Variants in WDR59 observed in about 807,000 individuals in gnomAD.
WDR59 encodes WD repeat domain 59.
A neutral mutation model predicts 131.2 loss-of-function variants in WDR59; 100 were observed. That is an observed-to-expected ratio of 0.76 (90% CI 0.65 to 0.90). The LOEUF is 0.90. WDR59 is among the 40% of genes least tolerant of loss of function. The pLI, the probability that WDR59 is intolerant of heterozygous loss-of-function variation, is 0.00. For synonymous variants in WDR59, 601 were observed against 466.2 expected (o/e 1.29, Z -3.72); for missense variants, 1,203 against 1,262.2 (o/e 0.95, Z 0.71).
At chr16:74,974,057 C>A (rs2034090997) in intron 1 of WDR59, among the ~76,000 whole-genome samples, 2 of 152,188 alleles carry the variant, frequency 1.3e-5, no homozygotes, top group African/African-American at 4.8e-5. Context: ...GTAATCCCAG[C>A]TACTCAGGAG....
intron 13 of WDR59, among the ~76,000 whole-genome samples, chr16:74,914,005 G>A (rs139150207): frequency 6.0e-4 from 91 of 152,274 alleles, no homozygotes; most frequent in East Asian, 5.0e-3. Flanking sequence ...TCAGGAGTTC[G>A]AGGCCAACCT....
chr16:74,943,137 C>T (rs530102190), intron 6 of WDR59, among the ~76,000 whole-genome samples: 54 of 152,252 alleles, frequency 3.5e-4, no homozygotes, highest in African/African-American at 1.3e-3. Flanking sequence ...CATGGCACTG[C>T]TGGCTAGTAA....
At chr16:74,886,069 T>G (rs1964742198) in intron 24 of WDR59, 1 of 720,212 alleles carries the variant, frequency 1.4e-6, no homozygotes, top group Admixed American at 3.1e-5. Context: ...TCCCAGCTAC[T>G]CAGGAGGCTG....
intron 11 of WDR59, 96 bp downstream of exon 11, chr16:74,917,833 T>G (rs977727937): frequency 2.3e-6 from 2 of 878,414 alleles, no homozygotes; most frequent in Non-Finnish European, 3.4e-6. Context: ...AAAAAAAAAA[T>G]TGTTTATCCT....
chr16:74,894,243 T>C (rs1230617136), intron 18 of WDR59, among the ~76,000 whole-genome samples: 2 of 152,244 alleles, frequency 1.3e-5, no homozygotes, highest in Non-Finnish European at 2.9e-5. Flanking sequence ...TGAAAATTTA[T>C]TGCAGACATA....
intron 6 of WDR59, 99 bp from the exon 7 acceptor site, chr16:74,942,925 T>G (rs921936278): frequency 1.3e-5 from 14 of 1,079,062 alleles, no homozygotes; most frequent in Non-Finnish European, 1.9e-5. Context: ...TCTGGCTGAA[T>G]AAGCCCAGAA....
intron 14 of WDR59, among the ~76,000 whole-genome samples, chr16:74,910,313 C>T (rs534487043): frequency 2.0e-5 from 3 of 152,238 alleles, no homozygotes; most frequent in African/African-American, 7.2e-5. Context: ...AAGGGTGATG[C>T]TGGGAGCCAG....
chr16:74,931,580 G>A (rs2031389009), intron 8 of WDR59, among the ~76,000 whole-genome samples: 1 of 152,044 alleles, frequency 6.6e-6, no homozygotes, highest in Non-Finnish European at 1.5e-5. Context: ...CAAGCAATCT[G>A]CCCGCTTCAG....
At chr16:74,893,895 A>T (rs1351674886) in intron 18 of WDR59, 83 bp from the exon 19 acceptor site, 16 of 1,486,208 alleles carry the variant, frequency 1.1e-5, no homozygotes, top group Non-Finnish European at 1.4e-5. Flanking sequence ...TATTGGGGTC[A>T]TTGGCAATTT....
At chr16:74,911,220 T>C (rs1310516968) in intron 14 of WDR59, among the ~76,000 whole-genome samples, 1 of 152,212 alleles carries the variant, frequency 6.6e-6, no homozygotes, top group Non-Finnish European at 1.5e-5. Flanking sequence ...CATTTTATAC[T>C]AACAGAAAAA....
intron 18 of WDR59, among the ~76,000 whole-genome samples, chr16:74,901,003 G>A (rs1965522080): frequency 6.6e-6 from 1 of 152,206 alleles, no homozygotes; most frequent in Non-Finnish European, 1.5e-5. Flanking sequence ...GGAGGCTAAG[G>A]CAGGAGAATC....
intron 1 of WDR59, among the ~76,000 whole-genome samples, chr16:74,971,302 T>C (rs947503361): frequency 7.9e-5 from 12 of 151,880 alleles, no homozygotes; most frequent in Non-Finnish European, 1.2e-4. Flanking sequence ...ATTAGAATAA[T>C]GTGATGAACA....
At chr16:74,953,803 C>G (rs1460117306) in intron 3 of WDR59, among the ~76,000 whole-genome samples, 1 of 150,894 alleles carries the variant, frequency 6.6e-6, no homozygotes, top group Non-Finnish European at 1.5e-5. Context: ...AGATCGAGAC[C>G]ATCCTGGCTA....
intron 25 of WDR59, among the ~76,000 whole-genome samples, chr16:74,883,747 C>T (rs530767704): frequency 5.3e-5 from 8 of 152,214 alleles, no homozygotes; most frequent in South Asian, 2.1e-4. Flanking sequence ...CAAGGCCCAG[C>T]GCAGATGGCC....
chr16:74,888,310 G>A lies in WDR59; in HGVS notation c.2205C>T (p.His735=), dbSNP rs1455855087. The change falls in exon 22 of 26, where the codon CAC becomes CAT. Residue 735 remains histidine, a synonymous_variant. Coordinates refer to ENST00000262144, the MANE Select transcript of WDR59 (RefSeq NM_030581.4). ...GRQLLESLLA[H]YCRLRDVQTL... ...TCTGAACATCCCGGAGCCGGCAATA[G>A]TGAGCCAACCTGAGGAAAAGATAAG... 6.2e-7 allele frequency: 1 copy of A among 1,612,644 alleles called. No homozygotes were observed. The highest frequency in any genetic ancestry group is 1.1e-5 in the South Asian group (1 of 90,832).
chr16:74,965,908 G>C (rs1480284704), intron 1 of WDR59, 86 bp from the exon 2 acceptor site: 1 of 1,474,876 alleles, frequency 6.8e-7, no homozygotes. Context: ...TCCTCTTCCT[G>C]TCTCCCAAGA....
At position 74,939,836 on chromosome 16, in the gene WDR59, T is replaced by A. The variant is rs191422508; in HGVS notation, c.535-1570A>T. On this transcript the variant is annotated intron_variant, in intron 7 of 25. Transcript: ENST00000262144. ...GATTCCCATCTCTACAAGAAAAAAA[T>A]TTTTTTAATTACCTCATCATAGTGG... is the stretch of plus-strand genomic sequence containing the variant. Among the ~76,000 whole-genome samples, 1,313 of 151,274 alleles carry A rather than the reference T, an allele frequency of 8.7e-3. 7 individuals are homozygous for A. Among genetic ancestry groups the A allele is most frequent in the Non-Finnish European group, 0.012 (802 of 67,780 alleles).
At chr16:74,973,218 G>C (rs1005486923) in intron 1 of WDR59, among the ~76,000 whole-genome samples, 1 of 152,290 alleles carries the variant, frequency 6.6e-6, no homozygotes, top group South Asian at 2.1e-4. Context: ...TCCAGCCTGA[G>C]CAACAAGAGC....
rs1281606781 is a variant in WDR59, at chr16:74,965,798, G to A, written c.79C>T (p.Leu27Phe). 1.9e-6 allele frequency: 3 copies of A among 1,613,986 alleles called. No homozygotes were observed. The highest frequency in any genetic ancestry group is 3.3e-5 in the Admixed American group (2 of 59,974). The stretch of plus-strand genomic sequence containing the variant: ...CCAGAAAGCACTGCATGCTGCCCAA[G>A]ACAGTCCACAGACATCGCAGTTGCC... ...SQATAMSVDC[L>F]GQHAVLSGRR... The change falls in exon 2 of 26, where the codon CTT becomes TTT. Residue 27 changes from leucine to phenylalanine, a missense_variant. Transcript: ENST00000262144.
Sources: allele counts gnomAD v4.1 joint callset (sites outside exome capture counted in the v4.1 genomes callset), GRCh38; gene constraint gnomAD v4.1.1; transcripts MANE v1.5; gene names NCBI Gene and HGNC (gene_info 2026-07-23, HGNC 2026-07-21).